The following DLGAP2 variants were observed in gnomAD, a reference collection of about 807,000 sequenced individuals.
DLGAP2 encodes DLG associated protein 2.
DLGAP2 carries 26 observed loss-of-function variants against 100.3 expected under a neutral mutation model. That is an observed-to-expected ratio of 0.26 (90% CI 0.19 to 0.36). The LOEUF (loss-of-function observed/expected upper bound fraction) is 0.36, where lower values mean the gene tolerates loss of function less well. DLGAP2 is among the 10% of genes least tolerant of loss of function. The pLI, the probability that DLGAP2 is intolerant of heterozygous loss-of-function variation, is 1.00. For synonymous variants in DLGAP2, 886 were observed against 630.1 expected, an observed-to-expected ratio of 1.41 and a Z score of -6.08; for missense variants, 1,858 against 1,453.2, an observed-to-expected ratio of 1.28 and a Z score of -4.53.
intron 2 of DLGAP2, among the ~76,000 whole-genome samples, chr8:1,051,300 C>T (rs1443114177): frequency 6.6e-6 from 1 of 152,126 alleles, no homozygotes; most frequent in East Asian, 1.9e-4. Context: ...CAGCAGCACT[C>T]ACCTGGGAGG....
At chr8:1,157,021 GC>G (rs1308456218) in intron 2 of DLGAP2, among the ~76,000 whole-genome samples, 1 of 151,936 alleles carries the variant, frequency 6.6e-6, no homozygotes, top group African/African-American at 2.4e-5. Context: ...GCAGGCCAGG[GC>G]CCCAGGCTCT....
At chr8:1,223,249 C>A (rs1291122985) in intron 2 of DLGAP2, among the ~76,000 whole-genome samples, 1 of 152,200 alleles carries the variant, frequency 6.6e-6, no homozygotes, top group African/African-American at 2.4e-5. Flanking sequence ...AGCCAGGGAT[C>A]TGTGTCCTCA....
intron 3 of DLGAP2, among the ~76,000 whole-genome samples, chr8:1,475,423 C>T (rs1281601301): frequency 6.6e-6 from 1 of 152,096 alleles, no homozygotes; most frequent in African/African-American, 2.4e-5. Flanking sequence ...CCTGAAGTGC[C>T]CTAGGTATGG....
chr8:1,417,727 A>ACGGGGAGGCCTCACTCCTGC, intron 3 of DLGAP2, among the ~76,000 whole-genome samples: 2 of 111,516 alleles, frequency 1.8e-5, no homozygotes, highest in African/African-American at 3.1e-5. Context: ...GAGGCTCCAG[A>ACGGGGAGGCCTCACTCCTGC]CACAGAAGCC....
chr8:1,382,112 C>A (rs897477315), intron 3 of DLGAP2, among the ~76,000 whole-genome samples: 1 of 152,164 alleles, frequency 6.6e-6, no homozygotes, highest in Non-Finnish European at 1.5e-5. Flanking sequence ...CTGATAGCCT[C>A]CTGTTAACCA....
chr8:1,279,627 G>T (rs1017218583), intron 3 of DLGAP2, among the ~76,000 whole-genome samples: 2 of 152,178 alleles, frequency 1.3e-5, no homozygotes, highest in African/African-American at 4.8e-5. Flanking sequence ...GGCGTAGCTG[G>T]GTCTTCAGCA....
At chr8:917,676 G>A (rs372450223) in intron 2 of DLGAP2, among the ~76,000 whole-genome samples, 121 of 152,286 alleles carry the variant, frequency 7.9e-4, no homozygotes, top group African/African-American at 2.8e-3. Flanking sequence ...CACCTCCCAG[G>A]TTCAAATCAT....
In DLGAP2 at chr8:1,259,907, C is replaced by T. The variant is rs568539132; in HGVS notation, c.106+1024C>T. 2.0e-4 allele frequency: 30 copies of T among 152,312 alleles called. No homozygotes were observed. The South Asian group carries it at 6.2e-3, about 32-fold the overall frequency. The allele number at this position is 152,312 out of a possible 1,614,324, so 9.4% of individuals were successfully genotyped here. A position where few individuals can be genotyped will look rare whatever the true frequency, so the allele number is the denominator to read the frequency against. On this transcript the variant is annotated intron_variant, in intron 3 of 14. Transcript: ENST00000637795. ...AAGGTTTTAAAACTTTTTCCTGTGT[C>T]ATTTAGTAGTCATGGAAAGCACAGA...
At chr8:1,206,857 A>G (rs746985857) in intron 2 of DLGAP2, among the ~76,000 whole-genome samples, 10 of 152,078 alleles carry the variant, frequency 6.6e-5, no homozygotes, top group Admixed American at 2.0e-4. Flanking sequence ...AGGTTTTCCT[A>G]TGTCAGCCTT....
At chr8:1,573,708 C>T (rs1802847520) in intron 6 of DLGAP2, among the ~76,000 whole-genome samples, 1 of 152,112 alleles carries the variant, frequency 6.6e-6, no homozygotes, top group South Asian at 2.1e-4. Flanking sequence ...CAAGGGCCTG[C>T]CAAGGGCCTT....
At chr8:968,161 A>G (rs1327143471) in intron 2 of DLGAP2, among the ~76,000 whole-genome samples, 1 of 151,922 alleles carries the variant, frequency 6.6e-6, no homozygotes, top group Non-Finnish European at 1.5e-5. Flanking sequence ...ACTTCTGTTT[A>G]TGTTGTAACT....
intron 2 of DLGAP2, among the ~76,000 whole-genome samples, chr8:1,096,154 G>A (rs932324503): frequency 1.3e-5 from 2 of 152,148 alleles, no homozygotes; most frequent in Admixed American, 1.3e-4. Flanking sequence ...GGGTTAATTG[G>A]ACCTGTTTTC....
intron 2 of DLGAP2, among the ~76,000 whole-genome samples, chr8:980,091 A>T (rs1800285262): frequency 6.6e-6 from 1 of 152,222 alleles, no homozygotes; most frequent in Admixed American, 6.5e-5. Context: ...TGCATGGGAC[A>T]CCAAGGCCAG....
intron 3 of DLGAP2, among the ~76,000 whole-genome samples, chr8:1,350,196 G>GAC (rs1201041868): frequency 0.01 from 1,549 of 149,680 alleles, 30 homozygotes; most frequent in African/African-American, 0.028. Flanking sequence ...CGCGGGTCCT[G>GAC]AGTGTGCGTG....
chr8:1,485,639 C>A (rs1011787397), intron 3 of DLGAP2, among the ~76,000 whole-genome samples: 3 of 152,224 alleles, frequency 2.0e-5, no homozygotes, highest in Admixed American at 1.3e-4. Flanking sequence ...CCAGCTCCCA[C>A]TGTGGGAAGA....
At chr8:906,904 A>T (rs894783447) in intron 1 of DLGAP2, among the ~76,000 whole-genome samples, 5 of 152,154 alleles carry the variant, frequency 3.3e-5, no homozygotes, top group Non-Finnish European at 5.9e-5. Context: ...TCTTGTTTTC[A>T]ATTGATTATA....
At chr8:1,493,344 C>G (rs1042991398) in intron 3 of DLGAP2, among the ~76,000 whole-genome samples, 1 of 152,134 alleles carries the variant, frequency 6.6e-6, no homozygotes, top group Non-Finnish European at 1.5e-5. Flanking sequence ...CCTCTGTGGA[C>G]CCAGCGTGTA....
At chr8:939,786 G>A (rs1384625236) in intron 2 of DLGAP2, among the ~76,000 whole-genome samples, 2 of 128,054 alleles carry the variant, frequency 1.6e-5, no homozygotes, top group African/African-American at 3.1e-5. Flanking sequence ...GGATTGGGAG[G>A]TGCAGACACA....
chr8:932,305 C>T (rs1392170989), intron 2 of DLGAP2, among the ~76,000 whole-genome samples: 1 of 152,188 alleles, frequency 6.6e-6, no homozygotes, highest in East Asian at 1.9e-4. Flanking sequence ...TGGATTTTCA[C>T]ACACTGTGAA....
Sources: gnomAD v4.1 joint callset for allele counts (sites outside exome capture counted in the v4.1 genomes callset) on GRCh38, gnomAD v4.1.1 for gene constraint, MANE v1.5 for transcripts, NCBI Gene and HGNC (gene_info 2026-07-23, HGNC 2026-07-21) for gene names.